The following TANC2 variants were observed in gnomAD, a reference collection of about 807,000 sequenced individuals.
TANC2 encodes the protein protein TANC2.
In TANC2, 26 loss-of-function variants were observed where a neutral mutation model predicts 210.5. That is an observed-to-expected ratio of 0.12 (90% CI 0.09 to 0.17). The LOEUF is 0.17. Ranked by LOEUF, TANC2 falls within the 10% of genes least tolerant of loss-of-function variation. TANC2 has a pLI of 1.00. For synonymous variants in TANC2, 931 were observed against 967.1 expected (o/e 0.96, Z 0.69); for missense variants, 2,129 against 2,608.9 (o/e 0.82, Z 4.01).
At chr17:63,118,040 A>G (rs760046135) in intron 4 of TANC2, among the ~76,000 whole-genome samples, 19 of 152,216 alleles carry the variant, frequency 1.2e-4, no homozygotes, top group Non-Finnish European at 1.9e-4. Flanking sequence ...CAATTTTTCA[A>G]TGTAAATGTG....
chr17:62,971,044 G>T (rs1057369627), intron 1 of TANC2, among the ~76,000 whole-genome samples: 2 of 152,118 alleles, frequency 1.3e-5, no homozygotes, highest in South Asian at 2.1e-4. Context: ...TGAGGGAAAG[G>T]CACTCTGTAA....
chr17:63,222,873 G>T (rs1393418848), intron 7 of TANC2, among the ~76,000 whole-genome samples: 1 of 152,074 alleles, frequency 6.6e-6, no homozygotes, highest in Non-Finnish European at 1.5e-5. Flanking sequence ...CCAAAAGGTG[G>T]CAACAATCCA....
At chr17:63,312,099 CA>C (rs2045144863) in intron 9 of TANC2, among the ~76,000 whole-genome samples, 1 of 152,084 alleles carries the variant, frequency 6.6e-6, no homozygotes, top group African/African-American at 2.4e-5. Context: ...TGAATTACAT[CA>C]GTAAAATAGT....
Position 63,418,297 on chromosome 17 carries a change from G to A in TANC2, c.4168-10G>A, listed in dbSNP as rs1568003957. 4 of 1,611,478 alleles carry A rather than the reference G, an allele frequency of 2.5e-6. No homozygotes were observed. The highest frequency in any genetic ancestry group is 2.2e-5 in the East Asian group (1 of 44,852). On this transcript the variant is annotated splice_polypyrimidine_tract_variant and intron_variant, in intron 26 of 27. Coordinates refer to ENST00000689528, the Ensembl canonical transcript of TANC2. This position sits in a 1 kb window ranked among gnomAD's most constrained non-coding sequence, Gnocchi z 4.6. ...TCAATGACTCATTTGCACACCTATTGTAATGACAGGATTTTGGAATGGCGG... is the reference window on the plus strand; with the variant it reads ...TCAATGACTCATTTGCACACCTATTATAATGACAGGATTTTGGAATGGCGG...
At chr17:63,185,538 C>A (rs2040952349) in intron 5 of TANC2, among the ~76,000 whole-genome samples, 1 of 152,152 alleles carries the variant, frequency 6.6e-6, no homozygotes, top group South Asian at 2.1e-4. Flanking sequence ...TGTAAAATGG[C>A]AAACATTTTC....
intron 2 of TANC2, among the ~76,000 whole-genome samples, chr17:63,063,778 G>C (rs999440505): frequency 1.3e-5 from 2 of 151,728 alleles, no homozygotes; most frequent in Non-Finnish European, 2.9e-5. Flanking sequence ...TTTACTCTCT[G>C]TTATTGTTCT....
intron 14 of TANC2, among the ~76,000 whole-genome samples, chr17:63,357,789 A>G (rs2046822044): frequency 1.3e-5 from 2 of 152,378 alleles, no homozygotes; most frequent in South Asian, 4.1e-4. Context: ...CATTTCAGGC[A>G]GGTCTGATTA....
At chr17:63,143,618 T>G (rs1261025919) in intron 4 of TANC2, among the ~76,000 whole-genome samples, 2 of 152,192 alleles carry the variant, frequency 1.3e-5, no homozygotes, top group African/African-American at 4.8e-5. Flanking sequence ...AATTGTTACC[T>G]GCAGGTAAAT....
intron 7 of TANC2, among the ~76,000 whole-genome samples, chr17:63,231,984 G>A (rs2042488819): frequency 6.6e-6 from 1 of 151,820 alleles, no homozygotes; most frequent in Middle Eastern, 3.2e-3. Flanking sequence ...AATCTTTTCT[G>A]CCTGTCTTAT....
At chr17:63,375,511 T>C (rs2047397252) in intron 14 of TANC2, among the ~76,000 whole-genome samples, 1 of 152,196 alleles carries the variant, frequency 6.6e-6, no homozygotes, top group South Asian at 2.1e-4. Context: ...TTAATCCCAA[T>C]AGGCATGAAT....
intron 5 of TANC2, among the ~76,000 whole-genome samples, chr17:63,178,497 G>C (rs75072724): frequency 7.2e-5 from 11 of 152,168 alleles, no homozygotes; most frequent in African/African-American, 2.7e-4. Flanking sequence ...ACAAATTGCG[G>C]CCCCTGCTTT....
At chr17:63,213,684 C>T (rs2041949450) in intron 7 of TANC2, among the ~76,000 whole-genome samples, 1 of 152,090 alleles carries the variant, frequency 6.6e-6, no homozygotes, top group African/African-American at 2.4e-5. Context: ...GAAGGTGCAA[C>T]ATTGTATTTG....
At chr17:63,417,528 C>G (rs977410302) in intron 26 of TANC2, among the ~76,000 whole-genome samples, 14 of 151,984 alleles carry the variant, frequency 9.2e-5, no homozygotes, top group Admixed American at 9.2e-4. Context: ...GGGGTCTTCT[C>G]TTGTTTTGTT....
At chr17:63,216,841 A>G (rs2042039999) in intron 7 of TANC2, among the ~76,000 whole-genome samples, 1 of 152,234 alleles carries the variant, frequency 6.6e-6, no homozygotes, top group Non-Finnish European at 1.5e-5. Flanking sequence ...CTGTAAGACA[A>G]GTCTCAATAA....
intron 4 of TANC2, among the ~76,000 whole-genome samples, chr17:63,101,762 A>G (rs576258020): frequency 6.6e-6 from 1 of 152,342 alleles, no homozygotes; most frequent in African/African-American, 2.4e-5. Flanking sequence ...AAGGGGATAG[A>G]AACTGGGGTT....
At chr17:63,375,453 A>G (rs1450572089) in intron 14 of TANC2, among the ~76,000 whole-genome samples, 2 of 152,196 alleles carry the variant, frequency 1.3e-5, no homozygotes, top group Admixed American at 6.5e-5. Context: ...AGTCAATTCT[A>G]TGTCTAACTG....
intron 7 of TANC2, among the ~76,000 whole-genome samples, chr17:63,232,898 C>T (rs952187651): frequency 3.9e-5 from 6 of 152,234 alleles, no homozygotes; most frequent in African/African-American, 1.2e-4. Context: ...GCTGCAACTG[C>T]GGCTGCCTCT....
intron 26 of TANC2, among the ~76,000 whole-genome samples, chr17:63,416,698 T>C (rs2048872116): frequency 6.6e-6 from 1 of 152,138 alleles, no homozygotes; most frequent in African/African-American, 2.4e-5. Context: ...TAAACCTATC[T>C]CAGAGAACAC....
chr17:63,306,259 G>A (rs1376248896), intron 9 of TANC2, among the ~76,000 whole-genome samples: 1 of 152,046 alleles, frequency 6.6e-6, no homozygotes, highest in Non-Finnish European at 1.5e-5. Context: ...AGACAGACTG[G>A]GATTGCTTGG....
Sources: allele counts gnomAD v4.1 joint callset (sites outside exome capture counted in the v4.1 genomes callset), GRCh38; gene constraint gnomAD v4.1.1; non-coding constraint Gnocchi (gnomAD v3.1); transcripts MANE v1.5; gene names NCBI Gene and HGNC (gene_info 2026-07-23, HGNC 2026-07-21).